DBF4: variants seen among roughly 807,000 people sequenced by gnomAD.
DBF4 encodes DBF4-CDC7 kinase regulatory subunit, also known as protein DBF4 homolog A.
In DBF4, 25 loss-of-function variants were observed where a neutral mutation model predicts 76.6. The ratio of observed to expected loss-of-function variants is 0.33; its 90% CI spans 0.24 to 0.46. The LOEUF is 0.46. Ranked by LOEUF, DBF4 falls within the 20% of genes least tolerant of loss-of-function variation. The pLI is 1.00. For missense variants in DBF4, 638 were observed against 760.8 expected (o/e 0.84, Z 1.90); for synonymous variants, 213 against 258.0 (o/e 0.83, Z 1.67).
At chr7:87,885,252 G>A in intron 3 of DBF4, 94 bp downstream of exon 3, 2 of 1,112,230 alleles carry the variant, frequency 1.8e-6, no homozygotes, top group Admixed American at 2.5e-5. Context: ...GTTTACTTAT[G>A]TAGAACATTT....
chr7:87,876,881 T>G, intron 1 of DBF4, 103 bp downstream of exon 1: 1 of 1,307,026 alleles, frequency 7.7e-7, no homozygotes, highest in Non-Finnish European at 1.1e-6. Context: ...TCAGCTTCTT[T>G]TCTTCTGACC....
intron 10 of DBF4, among the ~76,000 whole-genome samples, chr7:87,903,715 G>A (rs1012499735): frequency 4.4e-5 from 4 of 90,976 alleles, no homozygotes; most frequent in African/African-American, 1.8e-4. Context: ...TTTTTTTTGA[G>A]ACGAAGTCTT....
chr7:87,895,184 A>C (rs1397339606), intron 6 of DBF4, among the ~76,000 whole-genome samples: 1 of 151,932 alleles, frequency 6.6e-6, no homozygotes, highest in African/African-American at 2.4e-5. Context: ...TTGTTATCTC[A>C]CTCAGATAGT....
At chr7:87,905,209 G>T (rs533324259) in intron 11 of DBF4, among the ~76,000 whole-genome samples, 1 of 152,204 alleles carries the variant, frequency 6.6e-6, no homozygotes, top group African/African-American at 2.4e-5. Flanking sequence ...TTTGTGAGCC[G>T]TAAGATCTCT....
At chr7:87,904,471 G>A (rs1839867492) in intron 11 of DBF4, 55 bp downstream of exon 11, 1 of 1,549,580 alleles carries the variant, frequency 6.5e-7, no homozygotes, top group Admixed American at 1.9e-5. Context: ...CAGGGGTGGT[G>A]GCTCATGCCT....
At chr7:87,882,081 A>C (rs10246786) in intron 2 of DBF4, among the ~76,000 whole-genome samples, 21,365 of 152,178 alleles carry the variant, frequency 0.14, 2,399 homozygotes, top group African/African-American at 0.31. Flanking sequence ...AGTTTTAACT[A>C]TGTAAGAAAT....
chr7:87,883,446 T>C (rs1380550334), intron 2 of DBF4, among the ~76,000 whole-genome samples: 1 of 152,128 alleles, frequency 6.6e-6, no homozygotes, highest in Non-Finnish European at 1.5e-5. Context: ...ACAATAAAAG[T>C]GTATAGGAGA....
rs544117846 is a variant in DBF4 at position 87,892,890 on chromosome 7, T to G, written c.598-3584T>G. 1.5e-4 allele frequency among the ~76,000 whole-genome samples: 23 copies of G among 152,376 alleles called. No homozygotes were observed. The South Asian group carries it at 4.8e-3, about 32-fold the overall frequency. On this transcript the variant is annotated intron_variant, in intron 6 of 11. Coordinates refer to ENST00000265728, the MANE Select transcript of DBF4 (RefSeq NM_006716.4). Reference sequence around the variant, plus strand: ...CTATTTTAATTCTGTTATGGCCATATAACGTGCTTTTTATTATTTTAGTTT... The same window carrying G: ...CTATTTTAATTCTGTTATGGCCATAGAACGTGCTTTTTATTATTTTAGTTT...
intron 4 of DBF4, 87 bp from the exon 5 acceptor site, chr7:87,887,242 T>A: frequency 9.1e-7 from 1 of 1,100,710 alleles, no homozygotes; most frequent in Non-Finnish European, 1.3e-6. Context: ...CTTAGTGACA[T>A]TAAACTTCAA....
In DBF4 at chr7:87,894,617, C is replaced by A. The variant is rs74527644; in HGVS notation, c.598-1857C>A. On this transcript the variant is annotated intron_variant, in intron 6 of 11. Transcript: ENST00000265728. ...GGACTTACTTTAGCATGTTTTAGAG[C>A]AAATCTGGTGGCACAAGGAATTCTC... Among the ~76,000 whole-genome samples the A allele has an allele frequency of 1.5e-3, 225 of 152,256 alleles. 1 individual carries two copies. Among genetic ancestry groups the A allele is most frequent in the East Asian group, 5.6e-3 (29 of 5,182 alleles).
chr7:87,879,534 C>G (rs1046561545), intron 2 of DBF4, among the ~76,000 whole-genome samples: 6 of 152,084 alleles, frequency 3.9e-5, no homozygotes, highest in Non-Finnish European at 8.8e-5. Context: ...AAAAATACCC[C>G]TTCATCTTAG....
intron 8 of DBF4, among the ~76,000 whole-genome samples, chr7:87,899,320 T>C (rs937838335): frequency 2.0e-5 from 3 of 152,234 alleles, no homozygotes; most frequent in African/African-American, 7.2e-5. Context: ...CTGCAAGTCA[T>C]GTATCTATTT....
At chr7:87,885,300 A>G (rs1839318064) in intron 3 of DBF4, 142 bp downstream of exon 3, 1 of 622,476 alleles carries the variant, frequency 1.6e-6, no homozygotes, top group Non-Finnish European at 2.7e-6. Flanking sequence ...AGTCCTCAAT[A>G]AAGTTGCTGT....
chr7:87,876,866 G>C, intron 1 of DBF4, 88 bp downstream of exon 1: 1 of 1,437,168 alleles, frequency 7.0e-7, no homozygotes, highest in African/African-American at 1.4e-5. Flanking sequence ...TCTCCCGCCG[G>C]GTCCTCAGCT....
intron 10 of DBF4, among the ~76,000 whole-genome samples, chr7:87,902,654 G>A (rs1209913303): frequency 2.0e-5 from 3 of 152,122 alleles, no homozygotes; most frequent in Non-Finnish European, 4.4e-5. Context: ...AATTAGAGGG[G>A]AACTAAATAA....
chr7:87,895,030 A>C (rs1245610112), intron 6 of DBF4, among the ~76,000 whole-genome samples: 1 of 151,982 alleles, frequency 6.6e-6, no homozygotes, highest in Non-Finnish European at 1.5e-5. Context: ...TATTCCACAG[A>C]TCCCTGTGGC....
chr7:87,891,059 T>G (rs1421840269), intron 6 of DBF4, among the ~76,000 whole-genome samples: 1 of 152,124 alleles, frequency 6.6e-6, no homozygotes, highest in African/African-American at 2.4e-5. Flanking sequence ...TCAAAATGTT[T>G]ATTAGGTTCC....
intron 10 of DBF4, among the ~76,000 whole-genome samples, chr7:87,903,529 A>G (rs566171058): frequency 5.0e-4 from 76 of 152,252 alleles, no homozygotes; most frequent in African/African-American, 1.7e-3. Flanking sequence ...AATGTGGTTC[A>G]TGTGTTTAAT....
intron 6 of DBF4, among the ~76,000 whole-genome samples, chr7:87,894,511 A>G (rs1358362419): frequency 6.6e-6 from 1 of 152,368 alleles, no homozygotes; most frequent in South Asian, 2.1e-4. Flanking sequence ...AAATAGTCCT[A>G]TTAACCCAGA....
Sources: allele counts gnomAD v4.1 joint callset (sites outside exome capture counted in the v4.1 genomes callset), GRCh38; gene constraint gnomAD v4.1.1; transcripts MANE v1.5; gene names NCBI Gene and HGNC (gene_info 2026-07-23, HGNC 2026-07-21).